Variants in PNLIPRP1 observed in about 807,000 individuals in gnomAD.
The protein encoded by PNLIPRP1 is pancreatic lipase related protein 1, also known as inactive pancreatic lipase-related protein 1.
PNLIPRP1 carries 57 observed loss-of-function variants against 54.6 expected under a neutral mutation model. The observed-to-expected ratio is 1.04, with a 90% confidence interval of 0.84 to 1.30. The LOEUF (loss-of-function observed/expected upper bound fraction) is 1.30, where lower values mean the gene tolerates loss of function less well. PNLIPRP1 is among the 50% of genes most tolerant of loss of function. The probability of loss-of-function intolerance (pLI) is 0.00; values close to 1 mark genes in which losing one functional copy is unlikely to be tolerated. For missense variants in PNLIPRP1, 567 were observed against 568.5 expected (o/e 1.00, Z 0.03); for synonymous variants, 232 against 208.8 (o/e 1.11, Z -0.96).
At chr10:116,603,896 A>T (rs544260032) in intron 10 of PNLIPRP1, 134 bp from the exon 11 acceptor site, 54 of 509,554 alleles carry the variant, frequency 1.1e-4, no homozygotes, top group African/African-American at 2.5e-4. Flanking sequence ...CCATCTCAAA[A>T]AATAATAATA....
chr10:116,605,883 G>C (rs1847928396), intron 12 of PNLIPRP1, among the ~76,000 whole-genome samples: 1 of 152,202 alleles, frequency 6.6e-6, no homozygotes. Flanking sequence ...AGCTATACTT[G>C]AAAGAGGAGA....
chr10:116,608,135 G>A (rs1554865794), intron 12 of PNLIPRP1, among the ~76,000 whole-genome samples: 1 of 152,198 alleles, frequency 6.6e-6, no homozygotes, highest in East Asian at 1.9e-4. Context: ...GGGATTACAG[G>A]CATGAGCCAC....
chr10:116,604,059 T>C lies in PNLIPRP1; in HGVS notation c.1093T>C (p.Ser365Pro). The C allele has an allele frequency of 1.2e-6, 2 of 1,613,574 alleles. No individual in the cohort carries two copies. Among genetic ancestry groups the C allele is most frequent in the South Asian group, 2.2e-5 (2 of 91,048 alleles). ...RWRYGVSITL[S>P]GRTATGQIKV... Reference sequence around the variant, plus strand: ...GAGATATGGGGTTTCCATCACACTGTCTGGAAGAACAGCCACTGGTCAGAT... The same window carrying C: ...GAGATATGGGGTTTCCATCACACTGCCTGGAAGAACAGCCACTGGTCAGAT... Residue 365 changes from serine (S) to proline (P), a missense_variant, in exon 11 of 13, where the codon TCT (serine) becomes CCT (proline). By Grantham distance (74) the Ser-to-Pro change is moderately conservative. Transcript: ENST00000358834.
intron 12 of PNLIPRP1, among the ~76,000 whole-genome samples, chr10:116,607,837 TATC>T (rs1355570660): frequency 1.3e-5 from 2 of 152,196 alleles, no homozygotes; most frequent in African/African-American, 4.8e-5. Flanking sequence ...GTTACGTTCT[TATC>T]ATGGAATTCT....
At chr10:116,602,993 C>T (rs1443541202) in intron 10 of PNLIPRP1, among the ~76,000 whole-genome samples, 1 of 151,818 alleles carries the variant, frequency 6.6e-6, no homozygotes, top group African/African-American at 2.4e-5. Flanking sequence ...TATGTGCACG[C>T]ACATGCATGT....
chr10:116,598,406 A>G (rs1461505420), intron 8 of PNLIPRP1, among the ~76,000 whole-genome samples: 1 of 152,218 alleles, frequency 6.6e-6, no homozygotes, highest in Non-Finnish European at 1.5e-5. Flanking sequence ...GCAACAAAGA[A>G]TTATAAAACT....
At position 116,597,875 on chromosome 10, in the gene PNLIPRP1, C is replaced by T. The variant is rs782684795; in HGVS notation, c.622C>T (p.Arg208Ter). 7 of 1,614,100 alleles carry T rather than the reference C, an allele frequency of 4.3e-6. No homozygotes were observed. Among genetic ancestry groups the T allele is most frequent in the Middle Eastern group, 1.6e-4 (1 of 6,062 alleles). ...TTTCGAGAGTACTCCTGAAGAGGTG[C>T]GACTTGATCCCTCTGATGCTGACTT... ...ASFESTPEEV[R>*]LDPSDADFVD... The change falls in exon 7 of 13, where the codon CGA becomes TGA. Residue 208 changes from arginine (R) to a stop codon, truncating the protein, a stop_gained. Transcript: ENST00000358834. LOFTEE classifies it high-confidence loss of function.
rs782763339 is a variant in PNLIPRP1, at chr10:116,604,137, A to C, written c.1171A>C (p.Arg391=). The C allele has an allele frequency of 6.5e-6, 10 of 1,531,620 alleles. No homozygotes were observed. In the East Asian group the frequency reaches 2.3e-4, roughly 34 times the overall value. The allele number at this position is 1,531,620 out of a possible 1,614,324, so 94.9% of individuals were successfully genotyped here. A position where few individuals can be genotyped will look rare whatever the true frequency, so the allele number is the denominator to read the frequency against. Residue 391 remains arginine, a splice_region_variant and synonymous_variant, in exon 11 of 13, where the codon AGG becomes CGG. Coordinates refer to ENST00000358834, the MANE Select transcript of PNLIPRP1 (RefSeq NM_006229.4). ...AAACACTCACCAGTACAGTATCTTC[A>C]GGTAATTTCCTATTTTAACACTACG... ...KGNTHQYSIF[R]GILKPGSTHS...
chr10:116,598,117 CAAG>C lies in PNLIPRP1; in HGVS notation c.771_773del (p.Lys257del). On this transcript the variant is annotated inframe_deletion, in exon 8 of 13. Coordinates refer to ENST00000358834, the MANE Select transcript of PNLIPRP1 (RefSeq NM_006229.4). ...ATGGAGGAGAGAGCATGCCGGGATG[CAAG>C]AAGAATGCCCTGTCTCAGATCGTGG... is the stretch of plus-strand genomic sequence containing the variant. The C allele has an allele frequency of 6.2e-7, 1 of 1,614,102 alleles. No homozygotes were observed.
chr10:116,591,741 T>C lies in PNLIPRP1; in HGVS notation c.50-30T>C, dbSNP rs782796629. 3 of 1,612,448 alleles carry C rather than the reference T, an allele frequency of 1.9e-6. No homozygotes were observed. The South Asian group carries it at 3.3e-5, about 18-fold the overall frequency. ...CCCCAGAGCACACCTTGAGAGCAAA[T>C]CCTTGAGCAGATTCAACCTTTCTCT... On this transcript the variant is annotated intron_variant, in intron 2 of 12. Transcript: ENST00000358834.
intron 12 of PNLIPRP1, among the ~76,000 whole-genome samples, chr10:116,607,468 G>C (rs781835915): frequency 6.6e-6 from 1 of 152,204 alleles, no homozygotes; most frequent in Non-Finnish European, 1.5e-5. Flanking sequence ...GGGCCGCGGG[G>C]AGGCTGTGAT....
Position 116,592,830 on chromosome 10 carries a change from G to A in PNLIPRP1, c.330+289G>A, listed in dbSNP as rs886291650. On this transcript the variant is annotated intron_variant, in intron 4 of 12. Coordinates refer to ENST00000358834, the MANE Select transcript of PNLIPRP1 (RefSeq NM_006229.4). ...AGTGAGGGTACTTTGTATCCTATAA[G>A]CGAGGGACTATAGGGGTTTCTTTGT... 9.2e-6 allele frequency: 4 copies of A among 432,554 alleles called. No homozygotes were observed. In the Admixed American group the frequency reaches 1.2e-4, roughly 13 times the overall value. The allele number at this position is 432,554 out of a possible 1,614,324, so 26.8% of individuals were successfully genotyped here. A position where few individuals can be genotyped will look rare whatever the true frequency, so the allele number is the denominator to read the frequency against.
At chr10:116,592,593 A>T in intron 4 of PNLIPRP1, 52 bp downstream of exon 4, 1 of 1,606,892 alleles carries the variant, frequency 6.2e-7, no homozygotes. Context: ...ACTTCTGCTA[A>T]CATCTCTGCA....
In PNLIPRP1 at chr10:116,592,444, T is replaced by G. The variant is rs1408387213; in HGVS notation, c.233T>G (p.Ile78Ser). ...QILLLSDPST[I>S]EASNFQMDRK... ...CTCCTCCTCTCTGATCCATCAACAA[T>G]TGAGGCATCAAATTTTCAAATGGAC... The change falls in exon 4 of 13, where the codon ATT becomes AGT. Residue 78 changes from isoleucine to serine, a missense_variant. Physicochemically the swap from Ile to Ser is moderately radical, Grantham distance 142. Coordinates refer to ENST00000358834, the MANE Select transcript of PNLIPRP1 (RefSeq NM_006229.4). The G allele has an allele frequency of 6.2e-7, 1 of 1,612,730 alleles. No individual in the cohort carries two copies. The highest frequency in any genetic ancestry group is 1.3e-5 in the African/African-American group (1 of 74,882).
At chr10:116,602,974 G>A (rs1232821199) in intron 10 of PNLIPRP1, among the ~76,000 whole-genome samples, 1 of 151,710 alleles carries the variant, frequency 6.6e-6, no homozygotes, top group African/African-American at 2.4e-5. Context: ...TTGTGTATAT[G>A]TATTTGTGTA....
intron 11 of PNLIPRP1, among the ~76,000 whole-genome samples, chr10:116,604,838 G>GCCACAACA (rs1427579677): frequency 6.6e-6 from 1 of 151,852 alleles, no homozygotes; most frequent in Admixed American, 6.6e-5. Context: ...ACAGGCATGT[G>GCCACAACA]CCACCACACC....
chr10:116,603,292 C>T (rs1260116786), intron 10 of PNLIPRP1, among the ~76,000 whole-genome samples: 3 of 152,152 alleles, frequency 2.0e-5, no homozygotes, highest in African/African-American at 7.2e-5. Context: ...AGACAAGCCC[C>T]TATTCCCTCT....
intron 3 of PNLIPRP1, 134 bp downstream of exon 3, chr10:116,592,059 C>A: frequency 1.1e-6 from 1 of 872,288 alleles, no homozygotes; most frequent in Non-Finnish European, 1.8e-6. Flanking sequence ...CCCCCCAGAC[C>A]TAGCTAGACC....
At chr10:116,602,247 C>T (rs1195263678) in intron 10 of PNLIPRP1, among the ~76,000 whole-genome samples, 1 of 152,144 alleles carries the variant, frequency 6.6e-6, no homozygotes, top group Non-Finnish European at 1.5e-5. Flanking sequence ...TCTCGATCTC[C>T]TGACCTTGTG....
Sources: allele counts gnomAD v4.1 joint callset (sites outside exome capture counted in the v4.1 genomes callset), GRCh38; gene constraint gnomAD v4.1.1; transcripts MANE v1.5; gene names NCBI Gene and HGNC (gene_info 2026-07-23, HGNC 2026-07-21).